The following FAT3 variants were observed in gnomAD, a reference collection of about 807,000 sequenced individuals.
The protein encoded by FAT3 is FAT atypical cadherin 3, also known as protocadherin Fat 3.
In FAT3, 95 loss-of-function variants were observed where a neutral mutation model predicts 310.2. That is an observed-to-expected ratio of 0.31 (90% confidence interval 0.26 to 0.36). FAT3 has a LOEUF of 0.36. FAT3 is among the 10% of genes least tolerant of loss of function. FAT3 has a pLI of 1.00. For missense variants in FAT3, 5,408 were observed against 5,715.6 expected, an observed-to-expected ratio of 0.95 and a Z score of 1.74; for synonymous variants, 2,314 against 2,192.9, an observed-to-expected ratio of 1.06 and a Z score of -1.54.
chr11:92,476,116 G>A (rs1021207437), intron 2 of FAT3, among the ~76,000 whole-genome samples: 9 of 151,904 alleles, frequency 5.9e-5, no homozygotes, highest in Non-Finnish European at 1.2e-4. Flanking sequence ...TGCAGGGGAA[G>A]GGAGAGAGTG....
chr11:92,520,645 G>T (rs929662876), intron 2 of FAT3, among the ~76,000 whole-genome samples: 13 of 152,046 alleles, frequency 8.6e-5, no homozygotes, highest in Non-Finnish European at 1.8e-4. Context: ...TGACTATGTT[G>T]ACTATCATTA....
chr11:92,280,832 G>T (rs1946400173), intron 1 of FAT3, among the ~76,000 whole-genome samples: 1 of 152,116 alleles, frequency 6.6e-6, no homozygotes, highest in Non-Finnish European at 1.5e-5. Context: ...TGTTTCATGA[G>T]AGACCTTCGT....
chr11:92,592,807 T>G (rs1269887718), intron 3 of FAT3, among the ~76,000 whole-genome samples: 3 of 152,198 alleles, frequency 2.0e-5, no homozygotes, highest in Non-Finnish European at 4.4e-5. Flanking sequence ...ATTGACTTTA[T>G]TTTTTCAATT....
chr11:92,372,419 T>G (rs562605012), intron 2 of FAT3, among the ~76,000 whole-genome samples: 1 of 151,344 alleles, frequency 6.6e-6, no homozygotes, highest in Non-Finnish European at 1.5e-5. Flanking sequence ...TAATGCACTT[T>G]GGAAAGATTT....
chr11:92,845,576 C>G (rs1435904199), intron 19 of FAT3, among the ~76,000 whole-genome samples: 1 of 152,196 alleles, frequency 6.6e-6, no homozygotes, highest in East Asian at 1.9e-4. Flanking sequence ...AAAGCCATAG[C>G]TGCACAGAGT....
chr11:92,345,038 A>G (rs1016817558), intron 1 of FAT3, among the ~76,000 whole-genome samples: 1 of 152,162 alleles, frequency 6.6e-6, no homozygotes, highest in African/African-American at 2.4e-5. Context: ...AGTGTTTCCT[A>G]AAGAGTATTT....
chr11:92,541,389 A>G (rs1186849738), intron 3 of FAT3, among the ~76,000 whole-genome samples: 1 of 152,190 alleles, frequency 6.6e-6, no homozygotes, highest in East Asian at 1.9e-4. Flanking sequence ...AAATTGAATG[A>G]TGGCAGAAAT....
chr11:92,804,901 G>C (rs1947460089), intron 10 of FAT3, among the ~76,000 whole-genome samples: 1 of 152,200 alleles, frequency 6.6e-6, no homozygotes. Context: ...CTAAACAAGA[G>C]ATCATCTCCA....
chr11:92,324,882 G>A (rs1231671191), intron 1 of FAT3, among the ~76,000 whole-genome samples: 2 of 152,162 alleles, frequency 1.3e-5, no homozygotes, highest in African/African-American at 4.8e-5. Flanking sequence ...ACCAATTACT[G>A]CTGACATTTC....
intron 7 of FAT3, among the ~76,000 whole-genome samples, chr11:92,782,083 A>G (rs1565589454): frequency 6.6e-6 from 1 of 152,110 alleles, no homozygotes; most frequent in East Asian, 1.9e-4. Context: ...CTGAGACGGG[A>G]GGATCACTTG....
At chr11:92,231,887 A>T (rs1864198329) in intron 1 of FAT3, among the ~76,000 whole-genome samples, 1 of 152,028 alleles carries the variant, frequency 6.6e-6, no homozygotes, top group Non-Finnish European at 1.5e-5. Flanking sequence ...TCTTGGTAGC[A>T]GGATCAGCTT....
intron 3 of FAT3, among the ~76,000 whole-genome samples, chr11:92,624,581 A>G (rs1229852823): frequency 6.6e-6 from 1 of 152,188 alleles, no homozygotes; most frequent in Non-Finnish European, 1.5e-5. Flanking sequence ...GTGGAAGGCA[A>G]TGGTGGCCTG....
rs529364671 is a variant in FAT3 at position 92,589,992 on chromosome 11, G to C, written c.3607+65044G>C. 2.0e-5 allele frequency among the ~76,000 whole-genome samples: 3 copies of C among 152,208 alleles called. No homozygotes were observed. The South Asian group carries it at 6.2e-4, about 32-fold the overall frequency. On this transcript the variant is annotated intron_variant, in intron 3 of 27. Coordinates refer to ENST00000525166, the MANE Select transcript of FAT3 (RefSeq NM_001367949.2). ...AAATTAAATTTCAGTAGATTTTTAAGTTGGAACAAATTTCTCTCCTTATAG... is the reference window on the plus strand; with the variant it reads ...AAATTAAATTTCAGTAGATTTTTAACTTGGAACAAATTTCTCTCCTTATAG...
In FAT3 at chr11:92,800,935, G is replaced by A. The variant is rs1233243581; in HGVS notation, c.7922G>A (p.Ser2641Asn). The A allele has an allele frequency of 1.2e-6, 2 of 1,612,590 alleles. No individual in the cohort carries two copies. Among genetic ancestry groups the A allele is most frequent in the African/African-American group, 2.7e-5 (2 of 74,892 alleles). Reference sequence around the variant, plus strand: ...TCAAGGATTACTTATTCCCTCTATAGCGAGGCCTCTGTTTCAGTGGCCGAC... The same window carrying A: ...TCAAGGATTACTTATTCCCTCTATAACGAGGCCTCTGTTTCAGTGGCCGAC... Reference protein sequence around the residue: ...ANSRITYSLYSEASVSVADLL... With the variant: ...ANSRITYSLYNEASVSVADLL... Residue 2641 changes from serine to asparagine, a missense_variant, in exon 10 of 28, where the codon AGC becomes AAC. Coordinates refer to ENST00000525166, the MANE Select transcript of FAT3 (RefSeq NM_001367949.2).
chr11:92,286,448 C>T (rs117054403), intron 1 of FAT3, among the ~76,000 whole-genome samples: 2 of 152,242 alleles, frequency 1.3e-5, no homozygotes, highest in Non-Finnish European at 2.9e-5. Context: ...CAACTTATCC[C>T]GTTTGTTCAT....
intron 2 of FAT3, among the ~76,000 whole-genome samples, chr11:92,445,182 T>C (rs1280566754): frequency 6.6e-6 from 1 of 152,230 alleles, no homozygotes; most frequent in Non-Finnish European, 1.5e-5. Flanking sequence ...ACTCAGTCTA[T>C]GGTACTTTGT....
At chr11:92,402,488 G>A (rs995395093) in intron 2 of FAT3, among the ~76,000 whole-genome samples, 6 of 152,022 alleles carry the variant, frequency 3.9e-5, no homozygotes, top group Non-Finnish European at 8.8e-5. Flanking sequence ...CCAACACTTT[G>A]GGAGGCTGAG....
chr11:92,844,538 A>G lies in FAT3; in HGVS notation c.11171A>G (p.Asn3724Ser). 1 of 1,614,032 alleles carries G rather than the reference A, an allele frequency of 6.2e-7. No homozygotes were observed. The highest frequency in any genetic ancestry group is 8.5e-7 in the Non-Finnish European group (1 of 1,179,904). ...KPAYLIQKLSNARRHLENIMR... is the reference protein window; with the variant it reads ...KPAYLIQKLSSARRHLENIMR... The stretch of plus-strand genomic sequence containing the variant: ...GCCTACCTGATCCAGAAGCTGTCCA[A>G]TGCTAGAAGACACCTGGAGAATATC... Residue 3724 changes from asparagine (N) to serine (S), a missense_variant, in exon 19 of 28, where the codon AAT becomes AGT. By Grantham distance (46) the Asn-to-Ser change is conservative (BLOSUM62 1). Transcript: ENST00000525166.
At chr11:92,737,961 A>G (rs375963811) in intron 4 of FAT3, among the ~76,000 whole-genome samples, 1 of 152,134 alleles carries the variant, frequency 6.6e-6, no homozygotes, top group East Asian at 1.9e-4. Context: ...CCGATTTTTC[A>G]TTGTTCTCAT....
Sources: gnomAD v4.1 joint callset for allele counts (sites outside exome capture counted in the v4.1 genomes callset) on GRCh38, gnomAD v4.1.1 for gene constraint, MANE v1.5 for transcripts, NCBI Gene and HGNC (gene_info 2026-07-23, HGNC 2026-07-21) for gene names.